Variants in ME3 observed in about 807,000 individuals in gnomAD.
The protein encoded by ME3 is malic enzyme 3.
A neutral mutation model predicts 68.9 loss-of-function variants in ME3; 48 were observed. That is an observed-to-expected ratio of 0.70 (90% CI 0.55 to 0.89). ME3 has a LOEUF of 0.89. Among genes scored for constraint, ME3 ranks in the 40% least tolerant of loss-of-function variants. The pLI is 0.00. For missense variants in ME3, 675 were observed against 797.4 expected, an observed-to-expected ratio of 0.85 and a Z score of 1.85; for synonymous variants, 320 against 318.8, an observed-to-expected ratio of 1.00 and a Z score of -0.04.
Position 86,562,099 on chromosome 11 carries a change from C to T in ME3, c.184-2276G>A, listed in dbSNP as rs1022694498. Among the ~76,000 whole-genome samples the T allele has an allele frequency of 2.6e-5, 4 of 152,256 alleles. No individual in the cohort carries two copies. The South Asian group carries it at 6.2e-4, about 24-fold the overall frequency. On this transcript the variant is annotated intron_variant, in intron 2 of 14. Coordinates refer to ENST00000543262, the Ensembl canonical transcript of ME3. Reference sequence around the variant, plus strand: ...TCTCTTTCCTTCCCCAAACCTCTGGCGACCACTGACCTTCTTTACTGACTC... The same window carrying T: ...TCTCTTTCCTTCCCCAAACCTCTGGTGACCACTGACCTTCTTTACTGACTC...
chr11:86,499,301 C>G (rs776922215), intron 5 of ME3, among the ~76,000 whole-genome samples: 1 of 152,138 alleles, frequency 6.6e-6, no homozygotes, highest in Non-Finnish European at 1.5e-5. Flanking sequence ...CCTTGAATGT[C>G]TAGCCAAGGA....
chr11:86,602,209 T>A (rs183838303), intron 2 of ME3, among the ~76,000 whole-genome samples: 1 of 145,480 alleles, frequency 6.9e-6, no homozygotes. Flanking sequence ...AAAACCCCAT[T>A]GTCTCAGCCC....
At chr11:86,525,057 C>T (rs1186598171) in intron 4 of ME3, among the ~76,000 whole-genome samples, 1 of 152,216 alleles carries the variant, frequency 6.6e-6, no homozygotes, top group Non-Finnish European at 1.5e-5. Context: ...GTGAGACCCA[C>T]TCCAACTTGC....
At chr11:86,521,273 T>C (rs949647500) in intron 4 of ME3, among the ~76,000 whole-genome samples, 5 of 152,120 alleles carry the variant, frequency 3.3e-5, no homozygotes, top group African/African-American at 9.6e-5. Context: ...CGGGCGCCTG[T>C]AGTCCCAGCT....
At chr11:86,530,353 A>C (rs1955114616) in intron 4 of ME3, among the ~76,000 whole-genome samples, 1 of 152,236 alleles carries the variant, frequency 6.6e-6, no homozygotes. Context: ...AAAAGAGGAT[A>C]CAAAAAAATG....
intron 5 of ME3, among the ~76,000 whole-genome samples, chr11:86,499,525 G>C (rs187782308): frequency 1.3e-5 from 2 of 152,146 alleles, no homozygotes; most frequent in African/African-American, 2.4e-5. Flanking sequence ...CTGGGCAATG[G>C]GGGTAAAGAG....
chr11:86,643,586 C>G (rs1326792808), intron 2 of ME3, among the ~76,000 whole-genome samples: 2 of 152,154 alleles, frequency 1.3e-5, no homozygotes, highest in Non-Finnish European at 2.9e-5. Flanking sequence ...AGATCAAAGG[C>G]CAGCTACTTT....
In ME3 at chr11:86,597,126, C is replaced by G. The variant is rs190198177; in HGVS notation, c.184-37303G>C. On this transcript the variant is annotated intron_variant, in intron 2 of 14. Coordinates refer to ENST00000543262, the Ensembl canonical transcript of ME3. ...ATTAGGTAATAACAGGTAACAGGGT[C>G]CCAGACTTGCGAATGACATTTCAGC... 9.1e-4 allele frequency among the ~76,000 whole-genome samples: 138 copies of G among 152,294 alleles called. 1 individual carries two copies. Among genetic ancestry groups the G allele is most frequent in the African/African-American group, 3.2e-3 (133 of 41,568 alleles).
chr11:86,625,454 A>G (rs1014980260), intron 2 of ME3, among the ~76,000 whole-genome samples: 2 of 152,132 alleles, frequency 1.3e-5, no homozygotes, highest in African/African-American at 4.8e-5. Context: ...ACCAGCTGGA[A>G]AGCACTCGCC....
chr11:86,577,598 A>G (rs563969453), intron 2 of ME3, among the ~76,000 whole-genome samples: 2 of 152,352 alleles, frequency 1.3e-5, no homozygotes, highest in African/African-American at 4.8e-5. Flanking sequence ...AACCAAAATG[A>G]AGAATTTCCC....
At chr11:86,501,670 T>G (rs750879589) in intron 5 of ME3, among the ~76,000 whole-genome samples, 1 of 152,192 alleles carries the variant, frequency 6.6e-6, no homozygotes, top group Non-Finnish European at 1.5e-5. Context: ...CTTTTGAGCC[T>G]TTTTACTCTG....
At chr11:86,583,797 A>C (rs959197120) in intron 2 of ME3, among the ~76,000 whole-genome samples, 1 of 152,218 alleles carries the variant, frequency 6.6e-6, no homozygotes. Flanking sequence ...AATGAAATTA[A>C]CCCTTATCTT....
chr11:86,660,119 C>A lies in ME3; in HGVS notation c.183+11643G>T, dbSNP rs115201649. On this transcript the variant is annotated intron_variant, in intron 2 of 14. Coordinates refer to ENST00000543262, the Ensembl canonical transcript of ME3. ...AATGTCTAGATTATCCAGGCTTAAGCTCTATCCAGTACTGGGAAATCATCA... is the reference window on the plus strand; with the variant it reads ...AATGTCTAGATTATCCAGGCTTAAGATCTATCCAGTACTGGGAAATCATCA... 6.6e-5 allele frequency among the ~76,000 whole-genome samples: 10 copies of A among 152,314 alleles called. No individual in the cohort carries two copies. The South Asian group carries it at 1.5e-3, about 22-fold the overall frequency.
intron 4 of ME3, among the ~76,000 whole-genome samples, chr11:86,546,647 A>G (rs533399575): frequency 1.3e-5 from 2 of 152,380 alleles, no homozygotes; most frequent in African/African-American, 4.8e-5. Flanking sequence ...AATGGTGATC[A>G]TTAAAAAGTC....
chr11:86,475,806 A>T (rs989030878), intron 7 of ME3, among the ~76,000 whole-genome samples: 2 of 149,872 alleles, frequency 1.3e-5, no homozygotes, highest in African/African-American at 4.9e-5. Context: ...GAAAATGAGA[A>T]TTCTAAGATA....
chr11:86,474,277 C>G (rs1440973051), intron 7 of ME3, among the ~76,000 whole-genome samples: 1 of 152,196 alleles, frequency 6.6e-6, no homozygotes, highest in African/African-American at 2.4e-5. Flanking sequence ...AGCAAAAGTC[C>G]CAGGATAATG....
chr11:86,586,365 A>G (rs1369106157), intron 2 of ME3, among the ~76,000 whole-genome samples: 1 of 152,222 alleles, frequency 6.6e-6, no homozygotes, highest in East Asian at 1.9e-4. Flanking sequence ...CCGAGGGGAC[A>G]GCTGACCCGG....
chr11:86,660,036 T>G (rs931772206), intron 2 of ME3, among the ~76,000 whole-genome samples: 1 of 152,248 alleles, frequency 6.6e-6, no homozygotes, highest in Non-Finnish European at 1.5e-5. Flanking sequence ...ACTAGCTCTT[T>G]AAATGACACT....
intron 2 of ME3, among the ~76,000 whole-genome samples, chr11:86,631,171 C>A (rs924519515): frequency 9.2e-5 from 14 of 152,154 alleles, no homozygotes; most frequent in African/African-American, 3.4e-4. Context: ...CAAGCAGTTA[C>A]AAAATAGTGG....
Sources: allele counts gnomAD v4.1 joint callset (sites outside exome capture counted in the v4.1 genomes callset), GRCh38; gene constraint gnomAD v4.1.1; transcripts MANE v1.5; gene names NCBI Gene and HGNC (gene_info 2026-07-23, HGNC 2026-07-21).